Variants in NSD3 observed in about 807,000 individuals in gnomAD.
The protein encoded by NSD3 is histone-lysine N-methyltransferase NSD3.
A neutral mutation model predicts 160.8 loss-of-function variants in NSD3; 24 were observed. The ratio of observed to expected loss-of-function variants is 0.15; its 90% CI spans 0.11 to 0.21. The LOEUF (loss-of-function observed/expected upper bound fraction) is 0.21, where lower values mean the gene tolerates loss of function less well. NSD3 is among the 10% of genes least tolerant of loss of function. The pLI is 1.00. For missense variants in NSD3, 1,157 were observed against 1,735.9 expected (o/e 0.67, Z 5.93); for synonymous variants, 520 against 600.0 (o/e 0.87, Z 1.95).
rs1808544040 is a variant in NSD3, at chr8:38,274,018, G to A, written c.*1623C>T. On this transcript the variant is annotated 3_prime_UTR_variant, in exon 24 of 24. Transcript: ENST00000317025. ...AGAGCTCTAAATTGATAAGCAAATG[G>A]AACACTCAATACAGCTGAAGGAATG... is the stretch of plus-strand genomic sequence containing the variant. 6.6e-6 allele frequency: 1 copy of A among 152,064 alleles called. No homozygotes were observed. 9.4% of individuals were successfully genotyped at this position (152,064 alleles called of 1,614,324 possible).
chr8:38,292,484 T>C (rs1809020196), intron 16 of NSD3, among the ~76,000 whole-genome samples: 1 of 151,550 alleles, frequency 6.6e-6, no homozygotes, highest in East Asian at 1.9e-4. Context: ...CCGTCTCTAA[T>C]AAAAATACAA....
chr8:38,325,790 G>T (rs963638263), intron 7 of NSD3, among the ~76,000 whole-genome samples: 1 of 151,894 alleles, frequency 6.6e-6, no homozygotes, highest in African/African-American at 2.4e-5. Flanking sequence ...CTGGGAGGTC[G>T]AGGCTGCAGT....
intron 2 of NSD3, among the ~76,000 whole-genome samples, chr8:38,340,179 G>A (rs1266625961): frequency 6.6e-6 from 1 of 151,822 alleles, no homozygotes; most frequent in African/African-American, 2.4e-5. Context: ...AATTTAGATG[G>A]CTTAAAAAGA....
At chr8:38,372,685 C>T (rs1256721526) in intron 1 of NSD3, among the ~76,000 whole-genome samples, 1 of 150,446 alleles carries the variant, frequency 6.6e-6, no homozygotes, top group African/African-American at 2.4e-5. Context: ...TTAGTAGAGA[C>T]GGGTTTCGCC....
At chr8:38,289,808 T>C (rs1392529200) in intron 17 of NSD3, among the ~76,000 whole-genome samples, 3 of 152,254 alleles carry the variant, frequency 2.0e-5, no homozygotes, top group Admixed American at 2.0e-4. Context: ...AAATTCATTT[T>C]ACCCTTACCA....
intron 4 of NSD3, among the ~76,000 whole-genome samples, chr8:38,333,826 C>T (rs1386888554): frequency 6.6e-6 from 1 of 152,070 alleles, no homozygotes; most frequent in Non-Finnish European, 1.5e-5. Context: ...GAGATTGCGC[C>T]ACTGCAGTCC....
chr8:38,326,763 C>T lies in NSD3; in HGVS notation c.1675G>A (p.Val559Ile). ...NQRNEKPTQSVSSPEATSGST... is the reference protein window; with the variant it reads ...NQRNEKPTQSISSPEATSGST... ...CCAGATGTTGCTTCAGGAGATGATA[C>T]ACTCTGCGTTGGCTTTTCATTTCTC... Residue 559 changes from valine (V) to isoleucine (I), a missense_variant, in exon 7 of 24, where the codon GTA becomes ATA. Transcript: ENST00000317025. 2 of 1,614,008 alleles carry T rather than the reference C, an allele frequency of 1.2e-6. No homozygotes were observed. The highest frequency in any genetic ancestry group is 1.7e-6 in the Non-Finnish European group (2 of 1,179,948).
intron 12 of NSD3, among the ~76,000 whole-genome samples, chr8:38,307,117 A>T (rs1429954814): frequency 2.2e-5 from 3 of 137,220 alleles, no homozygotes; most frequent in African/African-American, 8.0e-5. Flanking sequence ...ACCGTCTCAA[A>T]AAAAAAAAAA....
chr8:38,278,417 AAC>A lies in NSD3; in HGVS notation c.3761-7_3761-6del. ...AATTAAATGTTAACTCCATCCCTGA[AAC>A]ACAGGAGAAATAATTATTCAAACTC... On this transcript the variant is annotated splice_region_variant and splice_polypyrimidine_tract_variant and intron_variant, in intron 21 of 23. Coordinates refer to ENST00000317025, the MANE Select transcript of NSD3 (RefSeq NM_023034.2). 3 of 1,606,342 alleles carry A rather than the reference AAC, an allele frequency of 1.9e-6. No homozygotes were observed. In the South Asian group the frequency reaches 3.3e-5, roughly 18 times the overall value.
Position 38,314,674 on chromosome 8 carries a change from T to C in NSD3, c.2215A>G (p.Lys739Glu). ...GTTTTACATTCCATGCAGATGAACTTGCTATCAGGAAGTGATGCCAATCCC... is the reference window on the plus strand; with the variant it reads ...GTTTTACATTCCATGCAGATGAACTCGCTATCAGGAAGTGATGCCAATCCC... ...CLGLASLPDS[K>E]FICMECKTGQ... Residue 739 changes from lysine (K) to glutamate (E), a missense_variant, in exon 12 of 24, where the codon AAG becomes GAG. Physicochemically the swap from Lys to Glu is moderately conservative, Grantham distance 56. Around this residue, in one of 10 missense-constraint regions of NSD3, gnomAD observed 437 missense variants for 576.6 expected, o/e 0.76. Coordinates refer to ENST00000317025, the MANE Select transcript of NSD3 (RefSeq NM_023034.2). 2 of 1,614,194 alleles carry C rather than the reference T, an allele frequency of 1.2e-6. No individual in the cohort carries two copies. Among genetic ancestry groups the C allele is most frequent in the Non-Finnish European group, 1.7e-6 (2 of 1,180,038 alleles).
chr8:38,372,563 C>G (rs536038225), intron 1 of NSD3, among the ~76,000 whole-genome samples: 2 of 147,938 alleles, frequency 1.4e-5, no homozygotes, highest in South Asian at 4.3e-4. Context: ...GTGACGTAAT[C>G]TCGGCTCATT....
intron 19 of NSD3, among the ~76,000 whole-genome samples, chr8:38,285,092 C>A (rs888214592): frequency 6.6e-6 from 1 of 151,758 alleles, no homozygotes; most frequent in East Asian, 1.9e-4. Context: ...CCTGAAAGAC[C>A]GCAGCAAAGA....
At chr8:38,309,360 C>T (rs1049480391) in intron 12 of NSD3, among the ~76,000 whole-genome samples, 2 of 151,980 alleles carry the variant, frequency 1.3e-5, no homozygotes, top group Non-Finnish European at 2.9e-5. Flanking sequence ...CCCAGCTACA[C>T]GGGAGGCTGA....
chr8:38,337,461 G>C lies in NSD3; in HGVS notation c.754C>G (p.Pro252Ala). ...PVLKEEAPVQPILSSVPTTEV... is the reference protein window; with the variant it reads ...PVLKEEAPVQAILSSVPTTEV... ...GTTGTTGGAACAGAAGATAGTATTG[G>C]CTGAACCTACAGGAAAGGGTCAAAA... is the stretch of plus-strand genomic sequence containing the variant. Residue 252 changes from proline to alanine, a missense_variant, in exon 4 of 24, where the codon CCA (proline) becomes GCA (alanine). Coordinates refer to ENST00000317025, the MANE Select transcript of NSD3 (RefSeq NM_023034.2). 1 of 1,578,992 alleles carries C rather than the reference G, an allele frequency of 6.3e-7. No individual in the cohort carries two copies. Among genetic ancestry groups the C allele is most frequent in the Non-Finnish European group, 8.6e-7 (1 of 1,166,844 alleles).
intron 20 of NSD3, among the ~76,000 whole-genome samples, chr8:38,280,895 G>GA (rs1808719010): frequency 6.6e-6 from 1 of 151,888 alleles, no homozygotes; most frequent in African/African-American, 2.4e-5. Context: ...TGGGACCACA[G>GA]AAACGTGCCA....
At chr8:38,367,981 A>C (rs760458387) in intron 1 of NSD3, among the ~76,000 whole-genome samples, 9 of 152,056 alleles carry the variant, frequency 5.9e-5, no homozygotes, top group Non-Finnish European at 1.3e-4. Flanking sequence ...AATAAAGCAA[A>C]ATATCTTTTT....
chr8:38,283,785 T>C (rs185301853), intron 19 of NSD3, among the ~76,000 whole-genome samples: 141 of 152,238 alleles, frequency 9.3e-4, no homozygotes, highest in African/African-American at 3.3e-3. Context: ...TTTTATCTAC[T>C]GTATAAGCTA....
At chr8:38,358,114 G>A (rs950016326) in intron 1 of NSD3, among the ~76,000 whole-genome samples, 7 of 152,078 alleles carry the variant, frequency 4.6e-5, no homozygotes, top group African/African-American at 1.7e-4. Context: ...TATTAATGTA[G>A]GTCTGAAATT....
intron 16 of NSD3, among the ~76,000 whole-genome samples, chr8:38,295,019 C>T (rs1339238069): frequency 6.6e-6 from 1 of 151,202 alleles, no homozygotes; most frequent in Admixed American, 6.6e-5. Context: ...TAGCGGGCGC[C>T]TGTAGTCCCA....
Sources: gnomAD v4.1 joint callset for allele counts (sites outside exome capture counted in the v4.1 genomes callset) on GRCh38, gnomAD v4.1.1 for gene constraint, gnomAD v4.1.1 regional missense constraint, MANE v1.5 for transcripts, NCBI Gene and HGNC (gene_info 2026-07-23, HGNC 2026-07-21) for gene names.